Variants in JAZF1 observed in about 807,000 individuals in gnomAD.
JAZF1 encodes juxtaposed with another zinc finger protein 1.
In JAZF1, 8 loss-of-function variants were observed where a neutral mutation model predicts 26.4. The ratio of observed to expected loss-of-function variants is 0.30; its 90% CI spans 0.18 to 0.55. JAZF1 has a LOEUF of 0.55. Among genes scored for constraint, JAZF1 ranks in the 20% least tolerant of loss-of-function variants. The pLI is 0.94. For missense variants in JAZF1, 199 were observed against 322.0 expected (o/e 0.62, Z 2.92); for synonymous variants, 126 against 122.3 (o/e 1.03, Z -0.20).
intron 1 of JAZF1, among the ~76,000 whole-genome samples, chr7:28,064,647 G>A (rs1227959966): frequency 6.6e-6 from 1 of 152,112 alleles, no homozygotes; most frequent in Non-Finnish European, 1.5e-5. Flanking sequence ...CAAAATATCA[G>A]GAATGTGGGA....
intron 1 of JAZF1, among the ~76,000 whole-genome samples, chr7:28,129,424 T>C (rs1782753914): frequency 1.3e-5 from 2 of 152,238 alleles, no homozygotes; most frequent in African/African-American, 4.8e-5. Context: ...GGCCCGAACA[T>C]TGTTGATTCA....
intron 2 of JAZF1, among the ~76,000 whole-genome samples, chr7:27,946,629 T>TG: frequency 6.6e-6 from 1 of 152,312 alleles, no homozygotes. Context: ...TGTCAGATGT[T>TG]GGGGTAGGGA....
chr7:28,046,595 A>G (rs1286314399), intron 1 of JAZF1, among the ~76,000 whole-genome samples: 4 of 152,196 alleles, frequency 2.6e-5, no homozygotes, highest in Non-Finnish European at 5.9e-5. Flanking sequence ...GCCTATGTAA[A>G]TCTACATTTC....
chr7:28,134,092 C>A (rs1467431035), intron 1 of JAZF1, among the ~76,000 whole-genome samples: 2 of 152,134 alleles, frequency 1.3e-5, no homozygotes, highest in Non-Finnish European at 2.9e-5. Flanking sequence ...TGCTGTCAAC[C>A]CTGTGCATTG....
chr7:27,955,318 A>G (rs2128355776), intron 2 of JAZF1, among the ~76,000 whole-genome samples: 1 of 152,246 alleles, frequency 6.6e-6, no homozygotes, highest in East Asian at 1.9e-4. Flanking sequence ...TATAATTTAT[A>G]TCATTTCATT....
At position 28,052,120 on chromosome 7, in the gene JAZF1, T is replaced by C. The variant is rs528150978; in HGVS notation, c.116-60139A>G. On this transcript the variant is annotated intron_variant, in intron 1 of 4. Transcript: ENST00000283928. The stretch of plus-strand genomic sequence containing the variant: ...TTAATTTGCTCTGATGTTTCTGTTT[T>C]CTGTCATTTTTGTATAGTTAACAGG... Among the ~76,000 whole-genome samples, 4 of 152,366 alleles carry C rather than the reference T, an allele frequency of 2.6e-5. No individual in the cohort carries two copies. The East Asian group carries it at 7.7e-4, about 29-fold the overall frequency.
chr7:27,856,805 C>T (rs1338618659), intron 3 of JAZF1, among the ~76,000 whole-genome samples: 1 of 152,112 alleles, frequency 6.6e-6, no homozygotes. Flanking sequence ...TCTCCAAGTC[C>T]CCACCAGAGT....
At chr7:28,178,032 T>C (rs1783573972) in intron 1 of JAZF1, among the ~76,000 whole-genome samples, 1 of 152,212 alleles carries the variant, frequency 6.6e-6, no homozygotes, top group Admixed American at 6.5e-5. Context: ...TTTCATAAAG[T>C]TTGCTGGTTC....
At chr7:27,910,802 T>G (rs1754757004) in intron 2 of JAZF1, among the ~76,000 whole-genome samples, 1 of 152,180 alleles carries the variant, frequency 6.6e-6, no homozygotes, top group African/African-American at 2.4e-5. Flanking sequence ...CGGGCCATTT[T>G]TGGTGACCAG....
chr7:27,909,306 T>C (rs950033904), intron 2 of JAZF1, among the ~76,000 whole-genome samples: 1 of 152,136 alleles, frequency 6.6e-6, no homozygotes, highest in African/African-American at 2.4e-5. Flanking sequence ...GTGCTAAATA[T>C]ACTTGGTAAA....
chr7:28,106,357 A>C (rs1269710824), intron 1 of JAZF1, among the ~76,000 whole-genome samples: 1 of 152,008 alleles, frequency 6.6e-6, no homozygotes, highest in East Asian at 1.9e-4. Context: ...TCTCCCAACA[A>C]CCTCTGACGC....
At chr7:27,986,904 G>A (rs958547359) in intron 2 of JAZF1, among the ~76,000 whole-genome samples, 4 of 152,150 alleles carry the variant, frequency 2.6e-5, no homozygotes, top group Admixed American at 1.3e-4. Flanking sequence ...TGATCTGCCC[G>A]CCTGGGCCTC....
intron 3 of JAZF1, among the ~76,000 whole-genome samples, chr7:27,867,712 G>C (rs1006722075): frequency 1.3e-5 from 2 of 152,256 alleles, no homozygotes; most frequent in Non-Finnish European, 2.9e-5. Flanking sequence ...ATCGTTTTAA[G>C]AATGAGATCT....
In JAZF1 at chr7:27,830,887, T is replaced by C; in HGVS notation, c.*1913A>G. ...TTATCTTTGAAAGCATTGAAAGAAA[T>C]TTAACATGCACAATGACTATTTTAT... On this transcript the variant is annotated 3_prime_UTR_variant, in exon 5 of 5. Transcript: ENST00000283928. 4.7e-6 allele frequency: 1 copy of C among 215,044 alleles called. No homozygotes were observed. The allele number at this position is 215,044 out of a possible 1,614,324, so 13.3% of individuals were successfully genotyped here.
chr7:27,965,787 C>G (rs1314847406), intron 2 of JAZF1, among the ~76,000 whole-genome samples: 1 of 152,174 alleles, frequency 6.6e-6, no homozygotes, highest in African/African-American at 2.4e-5. Context: ...TCCCTTATCC[C>G]TAAAAGAAAT....
intron 1 of JAZF1, among the ~76,000 whole-genome samples, chr7:28,078,009 A>T (rs1784080080): frequency 6.6e-6 from 1 of 152,230 alleles, no homozygotes; most frequent in South Asian, 2.1e-4. Context: ...GGTGGCACTT[A>T]TGAGACAAAT....
At chr7:28,030,669 T>C (rs1783173865) in intron 1 of JAZF1, among the ~76,000 whole-genome samples, 1 of 152,248 alleles carries the variant, frequency 6.6e-6, no homozygotes, top group African/African-American at 2.4e-5. Flanking sequence ...ACAATTATAC[T>C]ATTTATAATG....
chr7:28,058,511 C>G (rs1783751241), intron 1 of JAZF1, among the ~76,000 whole-genome samples: 1 of 152,126 alleles, frequency 6.6e-6, no homozygotes, highest in Admixed American at 6.5e-5. Flanking sequence ...CCTTCCTGTA[C>G]AAGGAAGGAG....
chr7:27,866,911 C>T (rs111953145), intron 3 of JAZF1, among the ~76,000 whole-genome samples: 2,659 of 152,262 alleles, frequency 0.017, 87 homozygotes, highest in African/African-American at 0.062. Context: ...CTTGGGTGGG[C>T]AGACTGCATC....
Sources: allele counts gnomAD v4.1 joint callset (sites outside exome capture counted in the v4.1 genomes callset), GRCh38; gene constraint gnomAD v4.1.1; transcripts MANE v1.5; gene names NCBI Gene and HGNC (gene_info 2026-07-23, HGNC 2026-07-21).